NXPE2: variants seen among roughly 807,000 people sequenced by gnomAD.
NXPE2 encodes the protein NXPE family member 2.
In NXPE2, 34 loss-of-function variants were observed where a neutral mutation model predicts 34.4. That is an observed-to-expected ratio of 0.99 (90% CI 0.75 to 1.31). The LOEUF is 1.31. Ranked by LOEUF, NXPE2 falls within the 40% of genes most tolerant of loss-of-function variation. The pLI is 0.00. For synonymous variants in NXPE2, 235 were observed against 231.3 expected (o/e 1.02, Z -0.15); for missense variants, 649 against 672.5 (o/e 0.97, Z 0.39).
At chr11:114,601,264 C>A in the NXPE2 span, among the ~76,000 whole-genome samples, 1 of 150,054 alleles carries the variant, frequency 6.7e-6, no homozygotes, top group Non-Finnish European at 1.5e-5. Context: ...CTTTCTGAGT[C>A]TTCAAAATCC....
At chr11:114,811,245 TTAG>T in the NXPE2 span, among the ~76,000 whole-genome samples, 3 of 149,564 alleles carry the variant, frequency 2.0e-5, no homozygotes, top group African/African-American at 7.4e-5. Context: ...AAATGACGAG[TTAG>T]TGGGTTCGGC....
chr11:114,700,527 G>A (rs893941775), intron 3 of NXPE2, among the ~76,000 whole-genome samples: 2 of 152,134 alleles, frequency 1.3e-5, no homozygotes, highest in African/African-American at 4.8e-5. Context: ...AACGCGGGAA[G>A]TGAGGGAGAG....
the NXPE2 span, among the ~76,000 whole-genome samples, chr11:114,578,485 G>A: frequency 6.6e-6 from 1 of 152,120 alleles, no homozygotes; most frequent in Non-Finnish European, 1.5e-5. Flanking sequence ...GGTAATTGAG[G>A]TTTCCCTAGG....
chr11:114,480,304 G>T, the NXPE2 span, among the ~76,000 whole-genome samples: 1,060 of 152,308 alleles, frequency 7.0e-3, 4 homozygotes, highest in Non-Finnish European at 0.011. Context: ...TAGGAAGATG[G>T]AAGGAAAACT....
chr11:114,497,538 G>A, the NXPE2 span, among the ~76,000 whole-genome samples: 2 of 152,104 alleles, frequency 1.3e-5, no homozygotes, highest in Non-Finnish European at 2.9e-5. Flanking sequence ...TTATCATTGT[G>A]TTACAGTTGC....
At chr11:114,588,827 A>C in the NXPE2 span, among the ~76,000 whole-genome samples, 23 of 152,148 alleles carry the variant, frequency 1.5e-4, no homozygotes, top group African/African-American at 5.1e-4. Flanking sequence ...TTGTCCCCTG[A>C]TTCAGTAGAG....
chr11:114,501,193 A>G, the NXPE2 span, among the ~76,000 whole-genome samples: 2 of 152,192 alleles, frequency 1.3e-5, no homozygotes, highest in Non-Finnish European at 2.9e-5. Context: ...TTTTAAAACA[A>G]TGCAGATTTT....
chr11:114,739,399 C>G, the NXPE2 span, among the ~76,000 whole-genome samples: 7 of 138,940 alleles, frequency 5.0e-5, no homozygotes, highest in Non-Finnish European at 1.1e-4. Flanking sequence ...TTCCTCCCTC[C>G]CTCCCTCGCT....
At chr11:114,632,429 T>C in the NXPE2 span, among the ~76,000 whole-genome samples, 1 of 131,472 alleles carries the variant, frequency 7.6e-6, no homozygotes, top group African/African-American at 2.8e-5. Context: ...AATATAAATA[T>C]AAATATATAA....
the NXPE2 span, among the ~76,000 whole-genome samples, chr11:114,630,045 T>A: frequency 6.6e-6 from 1 of 151,354 alleles, no homozygotes; most frequent in Non-Finnish European, 1.5e-5. Flanking sequence ...TGGAAGAACA[T>A]TCCATGCTCA....
At chr11:114,615,981 G>A in the NXPE2 span, among the ~76,000 whole-genome samples, 204 of 150,780 alleles carry the variant, frequency 1.4e-3, 4 homozygotes, top group Middle Eastern at 6.9e-3. Context: ...GTATTCTCTC[G>A]TGGAAAAGCA....
chr11:114,675,757 C>T (rs1950851829), upstream of NXPE2, among the ~76,000 whole-genome samples: 1 of 151,728 alleles, frequency 6.6e-6, no homozygotes, highest in African/African-American at 2.4e-5. Context: ...AATTCTGAAA[C>T]TTACATGGAA....
the NXPE2 span, among the ~76,000 whole-genome samples, chr11:114,783,862 A>G: frequency 6.6e-6 from 1 of 152,278 alleles, no homozygotes; most frequent in Non-Finnish European, 1.5e-5. Context: ...GTGAATTTGG[A>G]GATGCTGGTG....
chr11:114,628,952 C>A, the NXPE2 span, among the ~76,000 whole-genome samples: 5 of 152,022 alleles, frequency 3.3e-5, no homozygotes, highest in African/African-American at 9.7e-5. Context: ...GACACATACA[C>A]CCTCCCAAGA....
At chr11:114,638,335 C>T in the NXPE2 span, among the ~76,000 whole-genome samples, 33 of 152,092 alleles carry the variant, frequency 2.2e-4, no homozygotes, top group African/African-American at 6.7e-4. Flanking sequence ...AAGCACTTCT[C>T]TGTATTGGTT....
the NXPE2 span, among the ~76,000 whole-genome samples, chr11:114,779,849 TC>T: frequency 1.3e-5 from 2 of 152,034 alleles, no homozygotes; most frequent in Admixed American, 1.3e-4. Flanking sequence ...TTTTCCTGTC[TC>T]GAACCCCTCC....
the NXPE2 span, among the ~76,000 whole-genome samples, chr11:114,494,149 G>C: frequency 3.9e-5 from 6 of 151,986 alleles, no homozygotes; most frequent in Non-Finnish European, 8.8e-5. Flanking sequence ...TGACCTTTGG[G>C]GGTTTGATTA....
At chr11:114,623,379 GATA>G in the NXPE2 span, among the ~76,000 whole-genome samples, 2 of 151,980 alleles carry the variant, frequency 1.3e-5, no homozygotes, top group African/African-American at 4.8e-5. Flanking sequence ...TTAAACGTGG[GATA>G]ATAAGTATTG....
At chr11:114,596,283 C>A in the NXPE2 span, among the ~76,000 whole-genome samples, 13 of 152,178 alleles carry the variant, frequency 8.5e-5, no homozygotes, top group African/African-American at 3.1e-4. Context: ...GGGTTTGAAT[C>A]CATCTGGGAT....
Sources: allele counts gnomAD v4.1 joint callset (sites outside exome capture counted in the v4.1 genomes callset), GRCh38; gene constraint gnomAD v4.1.1; transcripts MANE v1.5; gene names NCBI Gene and HGNC (gene_info 2026-07-23, HGNC 2026-07-21).